GNB3: variants seen among roughly 807,000 people sequenced by gnomAD.
GNB3 encodes the protein G protein subunit beta 3.
A neutral mutation model predicts 41.2 loss-of-function variants in GNB3; 33 were observed. The observed-to-expected ratio is 0.80, with a 90% confidence interval of 0.61 to 1.07. GNB3 has a LOEUF of 1.07. GNB3 is among the 50% of genes least tolerant of loss of function. The pLI is 0.00. For synonymous variants in GNB3, 172 were observed against 173.4 expected, an observed-to-expected ratio of 0.99 and a Z score of 0.06; for missense variants, 409 against 455.3, an observed-to-expected ratio of 0.90 and a Z score of 0.92.
In GNB3 at chr12:6,843,880, T is replaced by G; in HGVS notation, c.601T>G (p.Ser201Ala). Residue 201 changes from serine to alanine, a missense_variant, in exon 8 of 10, where the codon TCG becomes GCG. By Grantham distance (99) the Ser-to-Ala change is moderately conservative. Transcript: ENST00000229264. The surrounding 1 kb of genome is among the most constrained non-coding windows in gnomAD (Gnocchi z 5.9). ...GTCTCCTGACTTCAATCTCTTCATT[T>G]CGGGGGCCTGTGATGCCAGTGCCAA... Reference protein sequence around the residue: ...AVSPDFNLFISGACDASAKLW... With the variant: ...AVSPDFNLFIAGACDASAKLW... 1 of 1,614,092 alleles carries G rather than the reference T, an allele frequency of 6.2e-7. No individual in the cohort carries two copies. Among genetic ancestry groups the G allele is most frequent in the Non-Finnish European group, 8.5e-7 (1 of 1,179,992 alleles).
In GNB3 at chr12:6,843,498, G is replaced by C; in HGVS notation, c.403G>C (p.Val135Leu). 6.2e-7 allele frequency: 1 copy of C among 1,614,200 alleles called. No homozygotes were observed. Among genetic ancestry groups the C allele is most frequent in the Non-Finnish European group, 8.5e-7 (1 of 1,180,028 alleles). ...NLKSREGNVK[V>L]SRELSAHTGY... ...CAAATCCCGTGAGGGCAATGTCAAGGTCAGCCGGGAGCTTTCTGCTCACAC... is the reference window on the plus strand; with the variant it reads ...CAAATCCCGTGAGGGCAATGTCAAGCTCAGCCGGGAGCTTTCTGCTCACAC... The change falls in exon 6 of 10, where the codon GTC becomes CTC. Residue 135 changes from valine (V) to leucine (L), a missense_variant. Coordinates refer to ENST00000229264, the MANE Select transcript of GNB3 (RefSeq NM_002075.4). This position sits in a 1 kb window ranked among gnomAD's most constrained non-coding sequence, Gnocchi z 5.9.
At chr12:6,846,035 TG>T in intron 9 of GNB3, 1 of 536,724 alleles carries the variant, frequency 1.9e-6, no homozygotes, top group Non-Finnish European at 3.4e-6. Flanking sequence ...GACTGCTCCC[TG>T]CCCTAGGAGA....
Position 6,843,296 on chromosome 12 carries a change from T to C in GNB3, c.267+59T>C. Reference sequence around the variant, plus strand: ...GCATCCTTCCTAAGGGCGCCATGCCTACCCTCCTGTGCCCAGCTGGGAGCT... The same window carrying C: ...GCATCCTTCCTAAGGGCGCCATGCCCACCCTCCTGTGCCCAGCTGGGAGCT... On this transcript the variant is annotated intron_variant, in intron 5 of 9. Coordinates refer to ENST00000229264, the MANE Select transcript of GNB3 (RefSeq NM_002075.4). This position sits in a 1 kb window ranked among gnomAD's most constrained non-coding sequence, Gnocchi z 5.9. 3.7e-6 allele frequency: 6 copies of C among 1,608,502 alleles called. No individual in the cohort carries two copies. The South Asian group carries it at 5.5e-5, about 15-fold the overall frequency.
rs1418684479 is a variant in GNB3, at chr12:6,847,380, G to A, written c.*482G>A. 1.2e-5 allele frequency: 2 copies of A among 162,484 alleles called. No homozygotes were observed. Among genetic ancestry groups the A allele is most frequent in the Non-Finnish European group, 2.7e-5 (2 of 73,386 alleles). The allele number at this position is 162,484 out of a possible 1,614,324, so 10.1% of individuals were successfully genotyped here. A position where few individuals can be genotyped will look rare whatever the true frequency, so the allele number is the denominator to read the frequency against. On this transcript the variant is annotated 3_prime_UTR_variant, in exon 10 of 10. Coordinates refer to ENST00000229264, the MANE Select transcript of GNB3 (RefSeq NM_002075.4). ...TCTCCTAAGACACCTGCAATAAAGT[G>A]TAGCACCCTGGTACATCTGTGATGT...
rs1483838408 is a variant in GNB3 at position 6,845,646 on chromosome 12, G to A, written c.760G>A (p.Asp254Asn). 3 of 1,613,810 alleles carry A rather than the reference G, an allele frequency of 1.9e-6. No individual in the cohort carries two copies. Among genetic ancestry groups the A allele is most frequent in the Non-Finnish European group, 2.5e-6 (3 of 1,180,014 alleles). The change falls in exon 9 of 10, where the codon GAC (aspartate) becomes AAC (asparagine). Residue 254 changes from aspartate (D) to asparagine (N), a missense_variant. Asp to Asn is a conservative substitution (Grantham distance 23). Transcript: ENST00000229264. The part of the protein sequence containing the change: ...GSDDASCRLF[D>N]LRADQELICF... ...GGATGACGCTTCCTGCCGCTTGTTT[G>A]ACCTGCGGGCAGACCAGGAGCTGAT...
intron 8 of GNB3, chr12:6,844,898 A>G (rs113904241): frequency 1.1e-4 from 17 of 152,270 alleles, no homozygotes; most frequent in Non-Finnish European, 1.8e-4. Context: ...CTTCTGTAGC[A>G]TAATCACTGT....
intron 9 of GNB3, 91 bp from the exon 10 acceptor site, chr12:6,846,701 C>CCACACA: frequency 5.9e-6 from 4 of 683,578 alleles, no homozygotes; most frequent in South Asian, 3.3e-5. Flanking sequence ...ACACACACAC[C>CCACACA]CACACACCCA....
chr12:6,842,957 CCT>C lies in GNB3; in HGVS notation c.97-6_97-5del. ...CCTGCTCACCCTGATATTCAGTGCCCCTCTCTCTGCAGCTGGTGTCTGGCCTA... is the reference window on the plus strand; with the variant it reads ...CCTGCTCACCCTGATATTCAGTGCCCCTCTCTGCAGCTGGTGTCTGGCCTA... On this transcript the variant is annotated splice_polypyrimidine_tract_variant and intron_variant, in intron 3 of 9. Transcript: ENST00000229264. 1 of 1,514,646 alleles carries C rather than the reference CCT, an allele frequency of 6.6e-7. No homozygotes were observed. The allele number at this position is 1,514,646 out of a possible 1,614,324, so 93.8% of individuals were successfully genotyped here. A position where few individuals can be genotyped will look rare whatever the true frequency, so the allele number is the denominator to read the frequency against.
chr12:6,841,924 A>G (rs530290538), intron 3 of GNB3: 15 of 564,884 alleles, frequency 2.7e-5, no homozygotes, highest in South Asian at 2.5e-4. Context: ...AAGCCCTTGT[A>G]GACTCTAGCT....
Position 6,843,696 on chromosome 12 carries a change from G to A in GNB3, c.495G>A (p.Thr165=), listed in dbSNP as rs781817983. 2.2e-5 allele frequency: 36 copies of A among 1,613,866 alleles called. No homozygotes were observed. In the Middle Eastern group the frequency reaches 4.9e-4, roughly 22 times the overall value. Residue 165 remains threonine, a splice_region_variant and synonymous_variant, in exon 7 of 10, where the codon ACG becomes ACA. Transcript: ENST00000229264. This position sits in a 1 kb window ranked among gnomAD's most constrained non-coding sequence, Gnocchi z 5.9. ...NNIVTSSGDT[T]CALWDIETGQ... Reference sequence around the variant, plus strand: ...TTGTGACCAGCTCGGGGGACACCACGTGGTGAGGCTGAACATTGCTGGTGC... The same window carrying A: ...TTGTGACCAGCTCGGGGGACACCACATGGTGAGGCTGAACATTGCTGGTGC...
At chr12:6,846,756 T>C in intron 9 of GNB3, 36 bp from the exon 10 acceptor site, 1 of 1,248,518 alleles carries the variant, frequency 8.0e-7, no homozygotes, top group Non-Finnish European at 1.2e-6. Context: ...CAAATCAGCT[T>C]GGAGAGACAG....
At position 6,843,014 on chromosome 12, in the gene GNB3, G is replaced by A. The variant is rs149095347; in HGVS notation, c.141G>A (p.Thr47=). ...LEVVGRVQMR[T]RRTLRGHLAK... ...TGGTGGGACGAGTCCAGATGCGGAC[G>A]CGGCGGACGTTAAGGGGACACCTGG... is the stretch of plus-strand genomic sequence containing the variant. Residue 47 remains threonine, a synonymous_variant, in exon 4 of 10, where the codon ACG becomes ACA. Transcript: ENST00000229264. This position sits in a 1 kb window ranked among gnomAD's most constrained non-coding sequence, Gnocchi z 5.9. The A allele has an allele frequency of 5.6e-5, 88 of 1,565,184 alleles. 2 individuals carry two copies. The African/African-American group carries it at 7.4e-4, about 13-fold the overall frequency.
intron 3 of GNB3, chr12:6,842,022 T>C: frequency 2.8e-6 from 1 of 353,532 alleles, no homozygotes; most frequent in South Asian, 2.4e-5. Flanking sequence ...CATTCAGCAA[T>C]GGATCATTGT....
At chr12:6,845,875 C>T in intron 9 of GNB3, 73 bp downstream of exon 9, 1 of 1,028,068 alleles carries the variant, frequency 9.7e-7, no homozygotes, top group Non-Finnish European at 1.5e-6. Context: ...CATTCTGTAC[C>T]CCCCATCAGC....
In GNB3 at chr12:6,843,427, T is replaced by C. The variant is rs782036867; in HGVS notation, c.332T>C (p.Phe111Ser). 6.2e-7 allele frequency: 1 copy of C among 1,614,020 alleles called. No individual in the cohort carries two copies. The change falls in exon 6 of 10, where the codon TTT becomes TCT. Residue 111 changes from phenylalanine to serine, a missense_variant. Physicochemically the swap from Phe to Ser is radical, Grantham distance 155. Coordinates refer to ENST00000229264, the MANE Select transcript of GNB3 (RefSeq NM_002075.4). The surrounding 1 kb of genome is among the most constrained non-coding windows in gnomAD (Gnocchi z 5.9). ...TGTGCCTATGCCCCATCAGGGAACT[T>C]TGTGGCATGTGGGGGGCTGGACAAC... ...MTCAYAPSGNFVACGGLDNMC... is the reference protein window; with the variant it reads ...MTCAYAPSGNSVACGGLDNMC...
At chr12:6,841,108 C>T (rs1943565518) in intron 1 of GNB3, 75 bp downstream of exon 1, 13 of 631,966 alleles carry the variant, frequency 2.1e-5, no homozygotes, top group South Asian at 3.8e-5. Flanking sequence ...TGGGGCTGGA[C>T]GCAAAGGACC....
intron 8 of GNB3, 120 bp from the exon 9 acceptor site, chr12:6,845,466 C>T: frequency 7.4e-6 from 5 of 672,786 alleles, no homozygotes; most frequent in Non-Finnish European, 1.3e-5. Flanking sequence ...AAGGGAGGGA[C>T]AGGCAGGGAG....
At chr12:6,844,107 T>G in intron 8 of GNB3, 129 bp downstream of exon 8, 1 of 631,376 alleles carries the variant, frequency 1.6e-6, no homozygotes, top group Non-Finnish European at 2.5e-6. Context: ...TTTTTTTTTT[T>G]TTTTTTTTTT....
At chr12:6,841,385 T>G in intron 2 of GNB3, 41 bp downstream of exon 2, 1 of 1,568,718 alleles carries the variant, frequency 6.4e-7, no homozygotes, top group Non-Finnish European at 8.8e-7. Context: ...AGAAAACAGC[T>G]GGGGACATGA....
Sources: gnomAD v4.1 joint callset for allele counts on GRCh38, gnomAD v4.1.1 for gene constraint, Gnocchi (gnomAD v3.1) non-coding constraint, MANE v1.5 for transcripts, NCBI Gene and HGNC (gene_info 2026-07-23, HGNC 2026-07-21) for gene names.